MACROD2: variants seen among roughly 807,000 people sequenced by gnomAD.
MACROD2 encodes the protein ADP-ribose glycohydrolase MACROD2.
A neutral mutation model predicts 70.4 loss-of-function variants in MACROD2; 36 were observed. That is an observed-to-expected ratio of 0.51 (90% CI 0.39 to 0.68). The LOEUF (loss-of-function observed/expected upper bound fraction) is 0.68. MACROD2 is among the 30% of genes least tolerant of loss of function. MACROD2 has a pLI of 0.00. For synonymous variants in MACROD2, 172 were observed against 178.8 expected (o/e 0.96, Z 0.30); for missense variants, 496 against 538.4 (o/e 0.92, Z 0.78).
At chr20:15,556,924 C>T (rs1665794680) in intron 8 of MACROD2, among the ~76,000 whole-genome samples, 1 of 152,042 alleles carries the variant, frequency 6.6e-6, no homozygotes, top group Non-Finnish European at 1.5e-5. Flanking sequence ...AATCAGTTTC[C>T]AACTTTATTT....
At chr20:15,933,157 C>T in intron 10 of MACROD2, 119 bp from the exon 11 acceptor site, 2 of 897,760 alleles carry the variant, frequency 2.2e-6, no homozygotes, top group Non-Finnish European at 3.4e-6. Flanking sequence ...CTCTGCCTGG[C>T]TTTATGGGGA....
At chr20:15,308,735 C>A (rs1417016211) in intron 6 of MACROD2, among the ~76,000 whole-genome samples, 1 of 152,174 alleles carries the variant, frequency 6.6e-6, no homozygotes, top group African/African-American at 2.4e-5. Flanking sequence ...TTCAGCACTT[C>A]TTGGCTACAA....
chr20:15,757,556 C>G (rs964904975), intron 8 of MACROD2, among the ~76,000 whole-genome samples: 1 of 152,178 alleles, frequency 6.6e-6, no homozygotes, highest in African/African-American at 2.4e-5. Flanking sequence ...ATTCTACCAT[C>G]TACTGTAGAA....
chr20:15,301,591 CTTTTTT>C (rs71340214), intron 6 of MACROD2, among the ~76,000 whole-genome samples: 6 of 81,250 alleles, frequency 7.4e-5, no homozygotes, highest in South Asian at 1.0e-3. Flanking sequence ...GGTAGGTGGC[CTTTTTT>C]TTTTTTTTTT....
chr20:14,759,658 A>G (rs2071988283), intron 5 of MACROD2, among the ~76,000 whole-genome samples: 1 of 152,176 alleles, frequency 6.6e-6, no homozygotes, highest in African/African-American at 2.4e-5. Context: ...ATCTTAAAAT[A>G]GAAATAAAAG....
chr20:15,445,663 G>A (rs1389830394), intron 7 of MACROD2, among the ~76,000 whole-genome samples: 4 of 152,076 alleles, frequency 2.6e-5, no homozygotes, highest in Non-Finnish European at 5.9e-5. Context: ...CTTGCGTTTC[G>A]TTGGCCCAAA....
intron 3 of MACROD2, among the ~76,000 whole-genome samples, chr20:14,086,480 A>T (rs533500599): frequency 6.6e-6 from 1 of 152,194 alleles, no homozygotes; most frequent in African/African-American, 2.4e-5. Context: ...AGGTAAGGAG[A>T]GGCTTTATCT....
At chr20:15,377,954 G>T (rs532172661) in intron 6 of MACROD2, among the ~76,000 whole-genome samples, 138 of 152,096 alleles carry the variant, frequency 9.1e-4, no homozygotes, top group African/African-American at 3.2e-3. Flanking sequence ...AGAACACATG[G>T]ACACAGGGAG....
At chr20:14,150,648 C>T (rs1457914619) in intron 3 of MACROD2, among the ~76,000 whole-genome samples, 1 of 151,978 alleles carries the variant, frequency 6.6e-6, no homozygotes. Flanking sequence ...TCTGAATTTT[C>T]TTCCTCCCTT....
intron 3 of MACROD2, among the ~76,000 whole-genome samples, chr20:14,225,120 T>G (rs2081720194): frequency 6.6e-6 from 1 of 152,194 alleles, no homozygotes; most frequent in Non-Finnish European, 1.5e-5. Flanking sequence ...CTTGTTGGTA[T>G]TTTTTTCTAT....
At position 14,180,207 on chromosome 20, in the gene MACROD2, C is replaced by T. The variant is rs145183025; in HGVS notation, c.271+94479C>T. Among the ~76,000 whole-genome samples the T allele has an allele frequency of 1.6e-3, 242 of 150,930 alleles. 1 individual carries two copies. Among genetic ancestry groups the T allele is most frequent in the African/African-American group, 4.8e-3 (197 of 41,084 alleles). On this transcript the variant is annotated intron_variant, in intron 3 of 17. Transcript: ENST00000684519. ...CACAGTAGGTAAGTAGCAGTCCTAG[C>T]GAGGGAGAAAAAAAAAAGGATGGAG...
intron 5 of MACROD2, among the ~76,000 whole-genome samples, chr20:15,056,053 C>T (rs1248037507): frequency 2.6e-5 from 4 of 152,156 alleles, no homozygotes; most frequent in African/African-American, 9.7e-5. Flanking sequence ...TCCCAAAGTG[C>T]TGGGATTACA....
intron 5 of MACROD2, among the ~76,000 whole-genome samples, chr20:14,702,564 T>TAC (rs1177514920): frequency 2.3e-4 from 29 of 123,754 alleles, no homozygotes; most frequent in Non-Finnish European, 3.4e-5. Flanking sequence ...TATATATATA[T>TAC]ACACATATAT....
intron 5 of MACROD2, among the ~76,000 whole-genome samples, chr20:15,158,932 G>A (rs1452584516): frequency 2.6e-5 from 4 of 152,036 alleles, no homozygotes; most frequent in East Asian, 1.9e-4. Context: ...CCATGGTTCT[G>A]TTCTTTTCCT....
chr20:14,525,026 G>A (rs1393563942), intron 4 of MACROD2, among the ~76,000 whole-genome samples: 1 of 152,140 alleles, frequency 6.6e-6, no homozygotes, highest in Non-Finnish European at 1.5e-5. Context: ...AACGCAGGGT[G>A]ATATGTGGTC....
chr20:14,439,728 T>A (rs2084100240), intron 3 of MACROD2, among the ~76,000 whole-genome samples: 1 of 152,180 alleles, frequency 6.6e-6, no homozygotes, highest in Non-Finnish European at 1.5e-5. Flanking sequence ...ATTGAATGAG[T>A]TAAATCACTT....
At chr20:16,035,783 TCCAC>T (rs776153963) in intron 15 of MACROD2, among the ~76,000 whole-genome samples, 112,369 of 139,586 alleles carry the variant, frequency 0.81, 43,352 homozygotes, top group Non-Finnish European at 0.86. Flanking sequence ...AGTGTATCCA[TCCAC>T]ATGAGCTGAG....
At chr20:15,452,662 A>G (rs1211702283) in intron 7 of MACROD2, among the ~76,000 whole-genome samples, 1 of 152,122 alleles carries the variant, frequency 6.6e-6, no homozygotes, top group Non-Finnish European at 1.5e-5. Context: ...CTTACTCCTT[A>G]TAACTGTGGG....
intron 3 of MACROD2, among the ~76,000 whole-genome samples, chr20:14,339,673 A>T (rs2082993935): frequency 6.6e-6 from 1 of 152,198 alleles, no homozygotes; most frequent in Non-Finnish European, 1.5e-5. Flanking sequence ...TGCCATTGTT[A>T]TATGACTTCA....
Sources: allele counts gnomAD v4.1 joint callset (sites outside exome capture counted in the v4.1 genomes callset), GRCh38; gene constraint gnomAD v4.1.1; transcripts MANE v1.5; gene names NCBI Gene and HGNC (gene_info 2026-07-23, HGNC 2026-07-21).